Variants in GRM8 observed in about 807,000 individuals in gnomAD.
GRM8 encodes the protein glutamate metabotropic receptor 8.
In GRM8, 47 loss-of-function variants were observed where a neutral mutation model predicts 87.2. The ratio of observed to expected loss-of-function variants is 0.54; its 90% CI spans 0.43 to 0.69. The LOEUF (loss-of-function observed/expected upper bound fraction) is 0.69. Ranked by LOEUF, GRM8 falls within the 30% of genes least tolerant of loss-of-function variation. The probability of loss-of-function intolerance (pLI) is 0.00; values close to 1 mark genes in which losing one functional copy is unlikely to be tolerated. For missense variants in GRM8, 1,019 were observed against 1,139.2 expected (o/e 0.89, Z 1.52); for synonymous variants, 396 against 404.5 (o/e 0.98, Z 0.25).
chr7:126,959,618 T>C (rs1228187992), intron 3 of GRM8, among the ~76,000 whole-genome samples: 3 of 152,116 alleles, frequency 2.0e-5, no homozygotes, highest in South Asian at 2.1e-4. Context: ...GGGAAAAAAA[T>C]CTAAAACTCA....
intron 2 of GRM8, among the ~76,000 whole-genome samples, chr7:127,148,005 T>C (rs984955828): frequency 5.9e-5 from 9 of 152,054 alleles, no homozygotes; most frequent in African/African-American, 1.9e-4. Flanking sequence ...ATCTGGAAAC[T>C]TGTTGAAGAT....
intron 7 of GRM8, among the ~76,000 whole-genome samples, chr7:126,626,153 A>G (rs952630846): frequency 6.9e-6 from 1 of 144,446 alleles, no homozygotes; most frequent in African/African-American, 2.6e-5. Context: ...AACCTTTTCA[A>G]ATTTGCTGTA....
chr7:126,838,915 G>A (rs934277668), intron 6 of GRM8, among the ~76,000 whole-genome samples: 1 of 152,136 alleles, frequency 6.6e-6, no homozygotes, highest in South Asian at 2.1e-4. Flanking sequence ...TGTACGCTTT[G>A]CCCATCGGGG....
chr7:126,732,993 G>C lies in GRM8; in HGVS notation c.1357+36872C>G, dbSNP rs1047918351. Among the ~76,000 whole-genome samples the C allele has an allele frequency of 2.4e-4, 36 of 152,002 alleles. 1 individual carries two copies. The highest frequency in any genetic ancestry group is 2.3e-3 in the Admixed American group (35 of 15,236). ...ATCTGTAAACTTTCTTAAAACATTA[G>C]GAAAATTGTCTGCAATTTTTTTTTT... is the stretch of plus-strand genomic sequence containing the variant. On this transcript the variant is annotated intron_variant, in intron 7 of 10. Transcript: ENST00000339582.
intron 9 of GRM8, 108 bp downstream of exon 9, chr7:126,532,844 G>A: frequency 1.8e-6 from 1 of 542,836 alleles, no homozygotes; most frequent in Non-Finnish European, 3.3e-6. Flanking sequence ...AGCACAGACT[G>A]AAGCATCTTT....
chr7:126,802,252 T>C (rs1316066997), intron 6 of GRM8, among the ~76,000 whole-genome samples: 6 of 152,194 alleles, frequency 3.9e-5, no homozygotes, highest in Non-Finnish European at 8.8e-5. Context: ...CTTCTAACTG[T>C]AGTCAGGGTG....
chr7:126,832,536 A>G (rs186483140), intron 6 of GRM8, among the ~76,000 whole-genome samples: 103 of 152,320 alleles, frequency 6.8e-4, no homozygotes, highest in African/African-American at 2.3e-3. Context: ...TCTATACTAC[A>G]ATTAATATGT....
At chr7:126,789,333 T>C (rs1200554055) in intron 6 of GRM8, among the ~76,000 whole-genome samples, 1 of 152,114 alleles carries the variant, frequency 6.6e-6, no homozygotes, top group Non-Finnish European at 1.5e-5. Context: ...AATCAGTTTA[T>C]AATTATGGCC....
chr7:126,756,845 C>T (rs548153203), intron 7 of GRM8, among the ~76,000 whole-genome samples: 5 of 152,146 alleles, frequency 3.3e-5, no homozygotes, highest in African/African-American at 1.2e-4. Flanking sequence ...ATACATTCCA[C>T]TCAATTTTGC....
chr7:126,815,876 G>T (rs1299173955), intron 6 of GRM8, among the ~76,000 whole-genome samples: 1 of 152,078 alleles, frequency 6.6e-6, no homozygotes, highest in Admixed American at 6.6e-5. Context: ...AAAAGGTCAA[G>T]ATCTTGGGAA....
chr7:127,196,442 A>G (rs1025496240), intron 2 of GRM8, among the ~76,000 whole-genome samples: 3 of 151,854 alleles, frequency 2.0e-5, no homozygotes, highest in African/African-American at 7.3e-5. Flanking sequence ...ACTTGAACCC[A>G]GGAGGCAGAG....
At chr7:127,007,244 T>C (rs1347427905) in intron 3 of GRM8, among the ~76,000 whole-genome samples, 1 of 152,024 alleles carries the variant, frequency 6.6e-6, no homozygotes, top group African/African-American at 2.4e-5. Flanking sequence ...TTTTCATTTA[T>C]GCTAATGAGT....
chr7:126,596,578 G>A (rs1797222421), intron 8 of GRM8, among the ~76,000 whole-genome samples: 1 of 152,094 alleles, frequency 6.6e-6, no homozygotes, highest in African/African-American at 2.4e-5. Flanking sequence ...TGGGGAGTGA[G>A]GCATATGGGA....
At chr7:126,546,361 C>T (rs777727221) in intron 8 of GRM8, among the ~76,000 whole-genome samples, 3 of 152,142 alleles carry the variant, frequency 2.0e-5, no homozygotes, top group Non-Finnish European at 2.9e-5. Flanking sequence ...CCTCAATGCT[C>T]CCGGGGCAGT....
At position 126,904,092 on chromosome 7, in the gene GRM8, T is replaced by C; in HGVS notation, c.898A>G (p.Ser300Gly). Residue 300 changes from serine (S) to glycine (G), a missense_variant, in exon 5 of 11, where the codon AGT becomes GGT. Transcript: ENST00000339582. The stretch of plus-strand genomic sequence containing the variant: ...GAGCCAATCCAGAGAAAATGCCCAC[T>C]TTGGTTTAGTTTTTTTGCTGCTTCC... ...ILEAAKKLNQ[S>G]GHFLWIGSDS... is the part of the protein sequence containing the mutation. The C allele has an allele frequency of 6.2e-7, 1 of 1,612,362 alleles. No homozygotes were observed. The highest frequency in any genetic ancestry group is 8.5e-7 in the Non-Finnish European group (1 of 1,178,922).
chr7:127,009,438 C>T (rs929922350), intron 3 of GRM8, among the ~76,000 whole-genome samples: 3 of 151,952 alleles, frequency 2.0e-5, no homozygotes, highest in Non-Finnish European at 4.4e-5. Context: ...TGGGCACTTC[C>T]TAGAATGACA....
chr7:126,553,222 C>T (rs1445634781), intron 8 of GRM8, among the ~76,000 whole-genome samples: 1 of 152,078 alleles, frequency 6.6e-6, no homozygotes, highest in African/African-American at 2.4e-5. Flanking sequence ...ATTTTAACAT[C>T]TCTATAATAA....
chr7:126,900,577 T>G (rs1801977550), intron 6 of GRM8, among the ~76,000 whole-genome samples: 1 of 152,144 alleles, frequency 6.6e-6, no homozygotes. Context: ...TGGTGCAATC[T>G]CAGCTCACTG....
intron 6 of GRM8, among the ~76,000 whole-genome samples, chr7:126,773,206 C>T (rs1819047794): frequency 6.6e-6 from 1 of 151,948 alleles, no homozygotes; most frequent in Admixed American, 6.6e-5. Flanking sequence ...ACACACACAC[C>T]CCTCACATAC....
Sources: gnomAD v4.1 joint callset for allele counts (sites outside exome capture counted in the v4.1 genomes callset) on GRCh38, gnomAD v4.1.1 for gene constraint, MANE v1.5 for transcripts, NCBI Gene and HGNC (gene_info 2026-07-23, HGNC 2026-07-21) for gene names.